The following TAF1 variants were observed in gnomAD, a reference collection of about 807,000 sequenced individuals.
TAF1 encodes TATA-box binding protein associated factor 1, also known as transcription initiation factor TFIID subunit 1.
In TAF1, 2 loss-of-function variants were observed where a neutral mutation model predicts 138.5. That is an observed-to-expected ratio of 0.01 (90% CI 0.01 to 0.05). The LOEUF (loss-of-function observed/expected upper bound fraction) is 0.05, where lower values mean the gene tolerates loss of function less well. Among genes scored for constraint, TAF1 ranks in the 10% least tolerant of loss-of-function variants. The pLI is 1.00. For missense variants in TAF1, 709 were observed against 1,478.0 expected (o/e 0.48, Z 8.53); for synonymous variants, 437 against 503.2 (o/e 0.87, Z 1.76).
At chrX:71,428,673 A>G (rs1446325518) in intron 32 of TAF1, among the ~76,000 whole-genome samples, 1 of 112,105 alleles carries the variant, frequency 8.9e-6, no homozygotes, top group African/African-American at 3.2e-5. Flanking sequence ...TTTAACCTGA[A>G]TAGTTGACAT....
Position 71,393,226 on chromosome X carries a change from G to T in TAF1, c.3052-75G>T, listed in dbSNP as rs77971496. The T allele has an allele frequency of 2.8e-3, 884 of 313,262 alleles. 1 individual carries two copies. The highest frequency in any genetic ancestry group is 3.7e-3 in the Non-Finnish European group (847 of 228,930). 25.8% of individuals were successfully genotyped at this position (313,262 alleles called of 1,213,427 possible). On this transcript the variant is annotated intron_variant, in intron 20 of 37. Transcript: ENST00000423759. ...GTCCTTTGAAATCCCTGAATGATTTGTGTGTGTGTGTGTGTGTGTGTGTGT... is the reference window on the plus strand; with the variant it reads ...GTCCTTTGAAATCCCTGAATGATTTTTGTGTGTGTGTGTGTGTGTGTGTGT...
intron 3 of TAF1, among the ~76,000 whole-genome samples, chrX:71,370,671 G>A (rs745411599): frequency 1.8e-5 from 2 of 111,388 alleles, no homozygotes; most frequent in African/African-American, 6.5e-5. Flanking sequence ...TTTATGTGAA[G>A]TTGCTCGTTA....
intron 13 of TAF1, among the ~76,000 whole-genome samples, chrX:71,513,452 A>G (rs751111730): frequency 1.8e-5 from 2 of 111,796 alleles, no homozygotes; most frequent in South Asian, 7.5e-4. Context: ...AGAAACATCC[A>G]GATGAAGAAG....
intron 13 of TAF1, among the ~76,000 whole-genome samples, chrX:71,474,141 GAAAA>G (rs1226969261): frequency 9.2e-6 from 1 of 109,205 alleles, no homozygotes; most frequent in East Asian, 2.8e-4. Flanking sequence ...GCAAAACTCT[GAAAA>G]AAGAAAGAAA....
chrX:71,528,399 C>A (rs1029236202), intron 13 of TAF1: 1 of 256,925 alleles, frequency 3.9e-6, no homozygotes, highest in African/African-American at 2.9e-5. Flanking sequence ...ACAGTGGGTA[C>A]TTTCAGACAC....
rs139965533 is a variant in TAF1, at chrX:71,381,862, C to T, written c.1480C>T (p.Arg494Trp). 6.8e-5 allele frequency: 80 copies of T among 1,181,163 alleles called. No individual in the cohort carries two copies. In the African/African-American group the frequency reaches 7.3e-4, roughly 11 times the overall value. The change falls in exon 9 of 38, where the codon CGG (arginine) becomes TGG (tryptophan). Residue 494 changes from arginine (R) to tryptophan (W), a missense_variant. Arg to Trp is a moderately radical substitution (Grantham distance 101). Coordinates refer to ENST00000423759, the MANE Select transcript of TAF1 (RefSeq NM_004606.5). ...NIIWDAQAMP[R>W]LLEPPVLTLD... ...CATTTGGGATGCTCAGGCCATGCCC[C>T]GGCTGTTGGAACCTCCTGTTTTGAC...
At chrX:71,408,725 G>C (rs1239909101) in intron 28 of TAF1, among the ~76,000 whole-genome samples, 1 of 108,360 alleles carries the variant, frequency 9.2e-6, no homozygotes, top group Non-Finnish European at 1.9e-5. Context: ...TCCTAGGTTA[G>C]TACAAAAGAG....
chrX:71,433,471 G>A (rs754711237), intron 32 of TAF1, among the ~76,000 whole-genome samples: 1 of 111,338 alleles, frequency 9.0e-6, no homozygotes, highest in African/African-American at 3.2e-5. Flanking sequence ...AGGTGGGCTA[G>A]GTGGGATTGT....
chrX:71,483,740 A>ATC (rs1167670247), intron 13 of TAF1, among the ~76,000 whole-genome samples: 1,625 of 62,342 alleles, frequency 0.026, 34 homozygotes, highest in Middle Eastern at 0.042. Flanking sequence ...TATTGTGAAC[A>ATC]TCTCTCTCTC....
chrX:71,431,570 C>T (rs1353155876), intron 32 of TAF1, among the ~76,000 whole-genome samples: 1 of 110,292 alleles, frequency 9.1e-6, no homozygotes, highest in Non-Finnish European at 1.9e-5. Flanking sequence ...ACATAAGAGT[C>T]ACTGTTTAGA....
In TAF1 at chrX:71,442,179, C is replaced by G. The variant is rs28742603; in HGVS notation, c.4754-11991C>G. On this transcript the variant is annotated intron_variant, in intron 32 of 37. Transcript: ENST00000423759. ...GATTTATAATCCTTTGAGTATATACCCAGTAATGGGATGGCTAGGTCAAAT... is the reference window on the plus strand; with the variant it reads ...GATTTATAATCCTTTGAGTATATACGCAGTAATGGGATGGCTAGGTCAAAT... Among the ~76,000 whole-genome samples, 17 of 111,882 alleles carry G rather than the reference C, an allele frequency of 1.5e-4. 1 individual carries two copies. The South Asian group carries it at 6.3e-3, about 42-fold the overall frequency.
intron 13 of TAF1, among the ~76,000 whole-genome samples, chrX:71,519,055 G>A (rs2039876196): frequency 9.2e-6 from 1 of 108,612 alleles, no homozygotes; most frequent in African/African-American, 3.3e-5. Context: ...GGGCGCGGTG[G>A]CTCATGCCTG....
intron 32 of TAF1, among the ~76,000 whole-genome samples, chrX:71,447,373 C>T (rs2037740933): frequency 9.0e-6 from 1 of 111,003 alleles, no homozygotes; most frequent in Non-Finnish European, 1.9e-5. Flanking sequence ...TGCTTGCCAA[C>T]TTGACTGGTG....
chrX:71,498,234 G>A (rs747331600), intron 13 of TAF1, among the ~76,000 whole-genome samples: 1 of 111,632 alleles, frequency 9.0e-6, no homozygotes, highest in Non-Finnish European at 1.9e-5. Flanking sequence ...GTGGTCTGTG[G>A]GATCCTCAAA....
In TAF1 at chrX:71,383,907, T is replaced by TG. The variant is rs947565645; in HGVS notation, c.1948-54dup. 5.4e-6 allele frequency: 6 copies of TG among 1,111,174 alleles called. No homozygotes were observed. The African/African-American group carries it at 1.1e-4, about 21-fold the overall frequency. The allele number at this position is 1,111,174 out of a possible 1,213,427, so 91.6% of individuals were successfully genotyped here. ...TTTGTCTCAGATTGAACAACGTCATTGTGTGTAGTAGTGTCCTGTCAGGAG... is the reference window on the plus strand; with the variant it reads ...TTTGTCTCAGATTGAACAACGTCATTGGTGTGTAGTAGTGTCCTGTCAGGAG... On this transcript the variant is annotated intron_variant, in intron 12 of 37. Coordinates refer to ENST00000423759, the MANE Select transcript of TAF1 (RefSeq NM_004606.5).
chrX:71,472,210 C>T (rs59330840), intron 13 of TAF1, among the ~76,000 whole-genome samples: 1 of 111,339 alleles, frequency 9.0e-6, no homozygotes, highest in African/African-American at 3.3e-5. Context: ...AGGCTAGTCT[C>T]GAACTCCTGG....
intron 13 of TAF1, among the ~76,000 whole-genome samples, chrX:71,496,169 C>A (rs2039391277): frequency 8.9e-6 from 1 of 112,157 alleles, no homozygotes; most frequent in Non-Finnish European, 1.9e-5. Context: ...CCTTAAACAC[C>A]CAGGAGGAAC....
At chrX:71,501,289 C>T (rs996132825) in intron 13 of TAF1, among the ~76,000 whole-genome samples, 2 of 110,621 alleles carry the variant, frequency 1.8e-5, no homozygotes, top group Non-Finnish European at 3.8e-5. Context: ...CAGATAGTGT[C>T]CCCCCACTGA....
chrX:71,458,997 A>G (rs777646141), intron 35 of TAF1, among the ~76,000 whole-genome samples: 2 of 111,214 alleles, frequency 1.8e-5, no homozygotes, highest in Non-Finnish European at 3.8e-5. Flanking sequence ...AATGGGGGAA[A>G]ATGCGCATGC....
Sources: allele counts gnomAD v4.1 joint callset (sites outside exome capture counted in the v4.1 genomes callset), GRCh38; gene constraint gnomAD v4.1.1; transcripts MANE v1.5; gene names NCBI Gene and HGNC (gene_info 2026-07-23, HGNC 2026-07-21).